KLHDC4: variants seen among roughly 807,000 people sequenced by gnomAD.
The protein encoded by KLHDC4 is kelch domain containing 4, also known as kelch domain-containing protein 4.
Under a neutral mutation model 62.4 loss-of-function variants are expected in KLHDC4, and 90 were observed. The observed-to-expected ratio is 1.44, with a 90% CI of 1.22 to 1.72. The LOEUF (loss-of-function observed/expected upper bound fraction) is 1.72. Among genes scored for constraint, KLHDC4 ranks in the 40% most tolerant of loss-of-function variants. The pLI is 0.00. For missense variants in KLHDC4, 1,025 were observed against 699.7 expected (o/e 1.47, Z -5.25); for synonymous variants, 386 against 284.4 (o/e 1.36, Z -3.59).
At chr16:87,732,803 C>T (rs906128304) in intron 5 of KLHDC4, among the ~76,000 whole-genome samples, 3 of 152,036 alleles carry the variant, frequency 2.0e-5, no homozygotes, top group Admixed American at 6.6e-5. Flanking sequence ...AATCCTATCC[C>T]AGCTTCTACA....
intron 9 of KLHDC4, chr16:87,710,677 G>A (rs552465029): frequency 6.5e-6 from 1 of 153,074 alleles, no homozygotes; most frequent in Admixed American, 6.5e-5. Flanking sequence ...TCCAGCCCAG[G>A]TGCCACCACA....
At chr16:87,724,754 G>A (rs1356144704) in intron 7 of KLHDC4, among the ~76,000 whole-genome samples, 6 of 152,162 alleles carry the variant, frequency 3.9e-5, no homozygotes, top group African/African-American at 1.4e-4. Flanking sequence ...ACTGCTTCGG[G>A]AAGAGAGCTG....
intron 7 of KLHDC4, among the ~76,000 whole-genome samples, chr16:87,721,041 C>T (rs181395126): frequency 1.2e-4 from 19 of 152,328 alleles, no homozygotes; most frequent in Non-Finnish European, 2.1e-4. Flanking sequence ...ACCTTCTTAA[C>T]GGCCAACGGC....
At chr16:87,732,802 C>G (rs1485135713) in intron 5 of KLHDC4, among the ~76,000 whole-genome samples, 1 of 152,034 alleles carries the variant, frequency 6.6e-6, no homozygotes, top group Non-Finnish European at 1.5e-5. Context: ...AAATCCTATC[C>G]CAGCTTCTAC....
intron 5 of KLHDC4, chr16:87,747,516 A>T (rs1034026647): frequency 2.6e-5 from 4 of 152,210 alleles, no homozygotes; most frequent in African/African-American, 9.7e-5. Context: ...TTCTCAAAGC[A>T]AGCATGAGAA....
rs192674099 is a variant in KLHDC4, at chr16:87,750,835, G to C, written c.370-2026C>G. The C allele has an allele frequency of 2.0e-5, 3 of 152,398 alleles. No homozygotes were observed. The East Asian group carries it at 5.8e-4, about 29-fold the overall frequency. The allele number at this position is 152,398 out of a possible 1,614,324, so 9.4% of individuals were successfully genotyped here. On this transcript the variant is annotated intron_variant, in intron 4 of 11. Transcript: ENST00000270583. Reference sequence around the variant, plus strand: ...TCCCTCTCCACCCCACCCACTTCCAGTTGTTCTTTGCATCTGTCATCTCAG... The same window carrying C: ...TCCCTCTCCACCCCACCCACTTCCACTTGTTCTTTGCATCTGTCATCTCAG...
At position 87,755,283 on chromosome 16, in the gene KLHDC4, AC is replaced by A; in HGVS notation, c.279del (p.Leu93PhefsTer34). The stretch of plus-strand genomic sequence containing the variant: ...GTATTGTAGACATAGAGCTCGTTAT[AC>A]AAAAAAGTCTACAGGAAGGAAGAAG... ...GEYFNGQKTF[L>X]YNELYVYNTR... On this transcript the variant is annotated frameshift_variant, in exon 4 of 12. Transcript: ENST00000270583. LOFTEE classifies it high-confidence loss of function. The A allele has an allele frequency of 6.3e-7, 1 of 1,590,694 alleles. No individual in the cohort carries two copies. Among genetic ancestry groups the A allele is most frequent in the Non-Finnish European group, 8.6e-7 (1 of 1,159,288 alleles).
At chr16:87,743,267 C>G (rs181930876) in intron 5 of KLHDC4, among the ~76,000 whole-genome samples, 2 of 152,220 alleles carry the variant, frequency 1.3e-5, no homozygotes, top group East Asian at 3.9e-4. Context: ...GCACACCTAG[C>G]TAACTTCTTT....
intron 5 of KLHDC4, among the ~76,000 whole-genome samples, chr16:87,744,654 A>C (rs1391564596): frequency 6.6e-6 from 1 of 152,194 alleles, no homozygotes; most frequent in Non-Finnish European, 1.5e-5. Flanking sequence ...AAAAAAGCAA[A>C]GACTTTAAGT....
chr16:87,757,287 G>A (rs1042106706), intron 2 of KLHDC4: 1 of 151,248 alleles, frequency 6.6e-6, no homozygotes, highest in African/African-American at 2.4e-5. Flanking sequence ...AGCCAACATG[G>A]CGAAACCCCG....
chr16:87,750,487 T>C (rs951483431), intron 4 of KLHDC4: 4 of 152,292 alleles, frequency 2.6e-5, no homozygotes, highest in Admixed American at 6.5e-5. Flanking sequence ...CCGTGGTCAT[T>C]GCAGAGTTGG....
At chr16:87,736,522 TG>T (rs1385385218) in intron 5 of KLHDC4, among the ~76,000 whole-genome samples, 1 of 152,182 alleles carries the variant, frequency 6.6e-6, no homozygotes, top group Non-Finnish European at 1.5e-5. Context: ...GAGAGCCGTG[TG>T]CATGCACCTC....
At chr16:87,712,365 G>A (rs1239833045) in intron 8 of KLHDC4, among the ~76,000 whole-genome samples, 2 of 152,028 alleles carry the variant, frequency 1.3e-5, no homozygotes, top group African/African-American at 4.8e-5. Context: ...GTGGCTCTGG[G>A]GCCCCCGCCT....
intron 5 of KLHDC4, among the ~76,000 whole-genome samples, chr16:87,747,353 C>A (rs2043191381): frequency 6.6e-6 from 1 of 152,180 alleles, no homozygotes; most frequent in African/African-American, 2.4e-5. Flanking sequence ...GATAAACAAG[C>A]AAATCAGTAA....
chr16:87,717,561 G>A (rs1597441377), intron 7 of KLHDC4, among the ~76,000 whole-genome samples: 1 of 152,150 alleles, frequency 6.6e-6, no homozygotes, highest in East Asian at 1.9e-4. Flanking sequence ...TTCTCCTTCT[G>A]GAAACATCTG....
At chr16:87,759,278 T>C (rs2045500833) in intron 2 of KLHDC4, among the ~76,000 whole-genome samples, 1 of 152,020 alleles carries the variant, frequency 6.6e-6, no homozygotes, top group Non-Finnish European at 1.5e-5. Context: ...CTCACACCTG[T>C]AATCACAGCA....
intron 7 of KLHDC4, among the ~76,000 whole-genome samples, chr16:87,718,148 C>G (rs1443676035): frequency 6.6e-6 from 1 of 152,226 alleles, no homozygotes; most frequent in Non-Finnish European, 1.5e-5. Context: ...TCCAACCTGT[C>G]TGTCTTCAAA....
downstream of KLHDC4, among the ~76,000 whole-genome samples, chr16:87,703,815 G>T (rs186541401): frequency 6.6e-6 from 1 of 152,220 alleles, no homozygotes; most frequent in Non-Finnish European, 1.5e-5. Context: ...TGTGCCTCGG[G>T]ACACCAGTGA....
At chr16:87,762,063 C>A (rs371238290) in intron 1 of KLHDC4, 23 bp from the exon 2 acceptor site, 1 of 1,610,628 alleles carries the variant, frequency 6.2e-7, no homozygotes, top group Non-Finnish European at 8.5e-7. Flanking sequence ...AGCAGGCACA[C>A]GTGAGACTTA....
Sources: allele counts gnomAD v4.1 joint callset (sites outside exome capture counted in the v4.1 genomes callset), GRCh38; gene constraint gnomAD v4.1.1; transcripts MANE v1.5; gene names NCBI Gene and HGNC (gene_info 2026-07-23, HGNC 2026-07-21).